PXDNL: variants seen among roughly 807,000 people sequenced by gnomAD.
The protein encoded by PXDNL is peroxidasin like, also known as probable oxidoreductase PXDNL.
A neutral mutation model predicts 150.8 loss-of-function variants in PXDNL; 145 were observed. The observed-to-expected ratio is 0.96, with a 90% CI of 0.84 to 1.10. PXDNL has a LOEUF of 1.10. PXDNL is among the 50% of genes least tolerant of loss of function. PXDNL has a pLI of 0.00. For missense variants in PXDNL, 2,087 were observed against 1,873.9 expected (o/e 1.11, Z -2.10); for synonymous variants, 757 against 725.7 (o/e 1.04, Z -0.69).
chr8:51,630,054 T>A (rs942692664), intron 2 of PXDNL, among the ~76,000 whole-genome samples: 8 of 151,960 alleles, frequency 5.3e-5, no homozygotes, highest in Admixed American at 5.2e-4. Context: ...AAGGCTATAG[T>A]AATCAAAACA....
chr8:51,802,313 AAAC>A (rs1219964889), intron 1 of PXDNL, among the ~76,000 whole-genome samples: 1 of 152,210 alleles, frequency 6.6e-6, no homozygotes, highest in Non-Finnish European at 1.5e-5. Context: ...AGGAGCAGCA[AAAC>A]AACATGGATT....
intron 1 of PXDNL, among the ~76,000 whole-genome samples, chr8:51,705,213 T>G (rs1352460279): frequency 6.6e-5 from 10 of 152,202 alleles, no homozygotes; most frequent in Admixed American, 3.3e-4. Flanking sequence ...TGACCCACCC[T>G]CTAGGAGACC....
chr8:51,375,143 G>A (rs1402018888), intron 17 of PXDNL, among the ~76,000 whole-genome samples: 3 of 152,334 alleles, frequency 2.0e-5, no homozygotes, highest in African/African-American at 7.2e-5. Flanking sequence ...CCACATCAGT[G>A]TATATGCTAG....
chr8:51,801,310 G>A (rs943809763), intron 1 of PXDNL, among the ~76,000 whole-genome samples: 21 of 151,190 alleles, frequency 1.4e-4, no homozygotes, highest in East Asian at 4.4e-4. Context: ...CTCTGTTCTC[G>A]AACCCTGTTT....
rs75884672 is a variant in PXDNL, at chr8:51,355,191, G to C, written c.3902-9244C>G. Among the ~76,000 whole-genome samples the C allele has an allele frequency of 5.1e-3, 777 of 152,266 alleles. 3 individuals are homozygous for C. The highest frequency in any genetic ancestry group is 0.018 in the African/African-American group (733 of 41,556). On this transcript the variant is annotated intron_variant, in intron 19 of 22. Transcript: ENST00000356297. ...GTAATACTTCGAAGGCATTTTATAAGTTAAGCATGAAAATACTACAGTGTC... is the reference window on the plus strand; with the variant it reads ...GTAATACTTCGAAGGCATTTTATAACTTAAGCATGAAAATACTACAGTGTC...
chr8:51,708,945 G>A (rs530739167), intron 1 of PXDNL, among the ~76,000 whole-genome samples: 12 of 152,036 alleles, frequency 7.9e-5, no homozygotes, highest in Admixed American at 7.9e-4. Context: ...TAGGGAGGGG[G>A]GCAATAGGAG....
At chr8:51,677,853 C>T (rs1302588750) in intron 1 of PXDNL, among the ~76,000 whole-genome samples, 2 of 152,084 alleles carry the variant, frequency 1.3e-5, no homozygotes, top group African/African-American at 4.8e-5. Flanking sequence ...AGTTTAACTC[C>T]TCAAGTATTT....
At chr8:51,530,897 A>ACTT (rs146525689) in intron 4 of PXDNL, among the ~76,000 whole-genome samples, 12,416 of 152,210 alleles carry the variant, frequency 0.082, 820 homozygotes, top group East Asian at 0.23. Flanking sequence ...TGAGGCCAGT[A>ACTT]CTTTGTTTTT....
intron 4 of PXDNL, among the ~76,000 whole-genome samples, chr8:51,549,648 C>A (rs1383800748): frequency 6.6e-6 from 1 of 152,058 alleles, no homozygotes; most frequent in East Asian, 1.9e-4. Context: ...GATAGTGACA[C>A]AACTTATCAA....
At chr8:51,488,457 C>T (rs757446056) in intron 5 of PXDNL, among the ~76,000 whole-genome samples, 5 of 151,838 alleles carry the variant, frequency 3.3e-5, no homozygotes, top group Non-Finnish European at 7.4e-5. Context: ...TACAGAACAC[C>T]GACAGCTAAG....
intron 21 of PXDNL, among the ~76,000 whole-genome samples, chr8:51,335,462 T>C (rs564696833): frequency 6.6e-6 from 1 of 152,302 alleles, no homozygotes; most frequent in South Asian, 2.1e-4. Context: ...TATGGCTTCC[T>C]GGTGAGCTCC....
chr8:51,742,349 T>G (rs559845508), intron 1 of PXDNL, among the ~76,000 whole-genome samples: 1 of 152,164 alleles, frequency 6.6e-6, no homozygotes, highest in Non-Finnish European at 1.5e-5. Context: ...GTGGTAAAGC[T>G]GAGTAGAACT....
In PXDNL at chr8:51,745,010, GGAA is replaced by G. The variant is rs1318536151; in HGVS notation, c.164+64168_164+64170del. On this transcript the variant is annotated intron_variant, in intron 1 of 22. Transcript: ENST00000356297. ...AAAGAAAGGGAGGGAGGGAAGAAAA[GGAA>G]GGAAGAAAGAAAGAAATCAATTTTA... Among the ~76,000 whole-genome samples, 768 of 121,996 alleles carry G rather than the reference GGAA, an allele frequency of 6.3e-3. 21 individuals carry two copies. The highest frequency in any genetic ancestry group is 0.021 in the African/African-American group (729 of 34,764). The allele number at this position is 121,996 out of a possible 152,430, so 80.0% of individuals were successfully genotyped here.
intron 19 of PXDNL, among the ~76,000 whole-genome samples, chr8:51,371,256 T>A (rs1807104106): frequency 6.6e-6 from 1 of 152,242 alleles, no homozygotes. Flanking sequence ...AGTCATCTAA[T>A]ATTTTTGAGC....
chr8:51,766,609 A>T (rs2037234393), intron 1 of PXDNL, among the ~76,000 whole-genome samples: 1 of 152,112 alleles, frequency 6.6e-6, no homozygotes, highest in Non-Finnish European at 1.5e-5. Flanking sequence ...TGGATATGCA[A>T]TTGTTGTTTG....
chr8:51,518,579 C>T (rs1452009811), intron 4 of PXDNL, among the ~76,000 whole-genome samples: 1 of 152,068 alleles, frequency 6.6e-6, no homozygotes, highest in Non-Finnish European at 1.5e-5. Flanking sequence ...GAGGCAGGAA[C>T]ATGAGAATGA....
chr8:51,698,620 A>G (rs1426280302), intron 1 of PXDNL, among the ~76,000 whole-genome samples: 3 of 152,320 alleles, frequency 2.0e-5, no homozygotes, highest in African/African-American at 7.2e-5. Context: ...TAATGTTGAT[A>G]TTTTTATTAT....
intron 21 of PXDNL, among the ~76,000 whole-genome samples, chr8:51,328,427 G>A (rs530637827): frequency 2.6e-5 from 4 of 152,148 alleles, no homozygotes; most frequent in Non-Finnish European, 4.4e-5. Flanking sequence ...CCTACACTGG[G>A]GAAGGGCACC....
intron 21 of PXDNL, among the ~76,000 whole-genome samples, chr8:51,328,880 T>TA (rs1342540613): frequency 2.0e-5 from 3 of 152,006 alleles, no homozygotes; most frequent in African/African-American, 7.3e-5. Flanking sequence ...GCCTTCTCCA[T>TA]AAAAAAGGCC....
Sources: allele counts gnomAD v4.1 joint callset (sites outside exome capture counted in the v4.1 genomes callset), GRCh38; gene constraint gnomAD v4.1.1; transcripts MANE v1.5; gene names NCBI Gene and HGNC (gene_info 2026-07-23, HGNC 2026-07-21).